The following DTNB variants were observed in gnomAD, a reference collection of about 807,000 sequenced individuals.
DTNB encodes the protein DTN-B.
A neutral mutation model predicts 90.7 loss-of-function variants in DTNB; 63 were observed. The observed-to-expected ratio is 0.69, with a 90% CI of 0.57 to 0.86. The LOEUF (loss-of-function observed/expected upper bound fraction) is 0.86, where lower values mean the gene tolerates loss of function less well. Ranked by LOEUF, DTNB falls within the 40% of genes least tolerant of loss-of-function variation. The pLI is 0.00. For synonymous variants in DTNB, 277 were observed against 286.7 expected, an observed-to-expected ratio of 0.97 and a Z score of 0.34; for missense variants, 744 against 807.1, an observed-to-expected ratio of 0.92 and a Z score of 0.95.
At chr2:25,479,375 G>A (rs2064433456) in intron 10 of DTNB, among the ~76,000 whole-genome samples, 1 of 152,144 alleles carries the variant, frequency 6.6e-6, no homozygotes, top group South Asian at 2.1e-4. Context: ...GGCCTCCTAG[G>A]AAATTGGACA....
intron 5 of DTNB, among the ~76,000 whole-genome samples, chr2:25,606,751 A>C (rs1319480598): frequency 6.6e-6 from 1 of 152,160 alleles, no homozygotes; most frequent in East Asian, 1.9e-4. Context: ...AGATAACAGG[A>C]ATTTTTTTAA....
At position 25,609,276 on chromosome 2, in the gene DTNB, A is replaced by G. The variant is rs894410577; in HGVS notation, c.363-1955T>C. ...CCACAAAGATGAAGCAACAAAAGAA[A>G]CTATTGCTGAAGTCCAGAGTGGGAT... is the stretch of plus-strand genomic sequence containing the variant. On this transcript the variant is annotated intron_variant, in intron 4 of 20. Transcript: ENST00000406818. Among the ~76,000 whole-genome samples, 3 of 152,174 alleles carry G rather than the reference A, an allele frequency of 2.0e-5. No individual in the cohort carries two copies. The East Asian group carries it at 5.8e-4, about 29-fold the overall frequency.
In DTNB at chr2:25,537,339, C is replaced by T. The variant is rs187960283; in HGVS notation, c.877-5742G>A. ...TTGCTATATCTGCCATTAATTCATG[C>T]AATGTATGTGAAATGCATTATCACA... On this transcript the variant is annotated intron_variant, in intron 8 of 20. Transcript: ENST00000406818. Among the ~76,000 whole-genome samples the T allele has an allele frequency of 1.9e-3, 287 of 152,166 alleles. 1 individual carries two copies. Among genetic ancestry groups the T allele is most frequent in the Non-Finnish European group, 1.2e-3 (85 of 68,016 alleles).
intron 4 of DTNB, among the ~76,000 whole-genome samples, chr2:25,608,359 A>G (rs953386765): frequency 6.6e-6 from 1 of 152,248 alleles, no homozygotes; most frequent in African/African-American, 2.4e-5. Flanking sequence ...ATACGCTAGA[A>G]AATTATCTGT....
intron 16 of DTNB, among the ~76,000 whole-genome samples, chr2:25,402,172 G>A (rs949289185): frequency 2.6e-5 from 4 of 152,356 alleles, no homozygotes; most frequent in South Asian, 2.1e-4. Flanking sequence ...CAAAGTGGAC[G>A]TGAAACGAGG....
At chr2:25,471,424 A>T (rs1214974609) in intron 10 of DTNB, among the ~76,000 whole-genome samples, 1 of 143,628 alleles carries the variant, frequency 7.0e-6, no homozygotes, top group African/African-American at 2.6e-5. Context: ...AGTCTCACTC[A>T]CTCTGTTGCT....
At chr2:25,661,553 G>A (rs1246250529) in intron 1 of DTNB, among the ~76,000 whole-genome samples, 1 of 152,234 alleles carries the variant, frequency 6.6e-6, no homozygotes, top group African/African-American at 2.4e-5. Context: ...AAAGGAAGGG[G>A]CTATGACTGG....
chr2:25,669,093 T>C (rs1359676598), intron 1 of DTNB, among the ~76,000 whole-genome samples: 1 of 151,998 alleles, frequency 6.6e-6, no homozygotes, highest in Non-Finnish European at 1.5e-5. Flanking sequence ...AGACAGAAAG[T>C]AGAATGGTGG....
intron 11 of DTNB, among the ~76,000 whole-genome samples, chr2:25,452,260 C>T (rs952613117): frequency 3.9e-5 from 6 of 152,188 alleles, no homozygotes; most frequent in African/African-American, 1.2e-4. Flanking sequence ...TCTAAGGACC[C>T]ATTCAGACAG....
Position 25,584,343 on chromosome 2 carries a change from A to G in DTNB, c.604-3517T>C, listed in dbSNP as rs138751286. On this transcript the variant is annotated intron_variant, in intron 6 of 20. Transcript: ENST00000406818. Reference sequence around the variant, plus strand: ...TCTTCCAAATTTTAACCAAAAGAGCATATCACAACAGATTGAATGGATAAG... The same window carrying G: ...TCTTCCAAATTTTAACCAAAAGAGCGTATCACAACAGATTGAATGGATAAG... Among the ~76,000 whole-genome samples, 823 of 152,310 alleles carry G rather than the reference A, an allele frequency of 5.4e-3. 12 individuals are homozygous for G. Among genetic ancestry groups the G allele is most frequent in the African/African-American group, 0.018 (742 of 41,542 alleles).
intron 8 of DTNB, among the ~76,000 whole-genome samples, chr2:25,560,674 T>C (rs1232893623): frequency 2.0e-5 from 3 of 152,196 alleles, no homozygotes; most frequent in Admixed American, 6.5e-5. Flanking sequence ...GGACTTGTCA[T>C]CCTCCATAAC....
intron 8 of DTNB, among the ~76,000 whole-genome samples, chr2:25,563,312 G>A (rs2058534825): frequency 6.6e-6 from 1 of 152,100 alleles, no homozygotes; most frequent in South Asian, 2.1e-4. Flanking sequence ...TGTTGTTTTT[G>A]TTGTTGCTGA....
chr2:25,414,643 C>T (rs1007747384), intron 16 of DTNB, among the ~76,000 whole-genome samples: 1 of 151,984 alleles, frequency 6.6e-6, no homozygotes, highest in African/African-American at 2.4e-5. Flanking sequence ...GCTATAGGTA[C>T]GTCAACTAGT....
chr2:25,589,367 C>T (rs201385959), intron 6 of DTNB, among the ~76,000 whole-genome samples: 44 of 57,520 alleles, frequency 7.6e-4, no homozygotes, highest in African/African-American at 2.2e-3. Context: ...TTTTTCTTTT[C>T]TTTTTTTTTT....
chr2:25,576,192 G>A (rs1269625138), intron 8 of DTNB, among the ~76,000 whole-genome samples: 2 of 151,196 alleles, frequency 1.3e-5, no homozygotes, highest in Admixed American at 6.6e-5. Flanking sequence ...GAATAAGCAT[G>A]GGGGGGCGGA....
intron 6 of DTNB, among the ~76,000 whole-genome samples, chr2:25,585,189 C>G (rs1457178870): frequency 2.0e-5 from 3 of 152,150 alleles, no homozygotes; most frequent in Non-Finnish European, 4.4e-5. Context: ...TCATTTTTCT[C>G]TATTTCCCTC....
Position 25,382,756 on chromosome 2 carries a change from T to G in DTNB, c.1879+1080A>C, listed in dbSNP as rs185867650. ...GTTGGCCAGGCTGCTCTCGAATTCC[T>G]GGCCTCAAGTGATCCGCCCGCCTCG... is the stretch of plus-strand genomic sequence containing the variant. On this transcript the variant is annotated intron_variant, in intron 19 of 20. Transcript: ENST00000406818. Among the ~76,000 whole-genome samples the G allele has an allele frequency of 2.0e-4, 31 of 152,242 alleles. 1 individual carries two copies. In the East Asian group the frequency reaches 4.4e-3, roughly 22 times the overall value.
chr2:25,668,933 T>C (rs558327399), intron 1 of DTNB, among the ~76,000 whole-genome samples: 17 of 152,350 alleles, frequency 1.1e-4, no homozygotes, highest in African/African-American at 4.1e-4. Flanking sequence ...CCATGGAATA[T>C]TATTCAGCCT....
At chr2:25,634,369 T>C (rs1399343032) in intron 3 of DTNB, among the ~76,000 whole-genome samples, 1 of 114,702 alleles carries the variant, frequency 8.7e-6, no homozygotes, top group Non-Finnish European at 1.8e-5. Flanking sequence ...AGCCGCCCCG[T>C]CCGGGAGGGA....
Sources: gnomAD v4.1 joint callset for allele counts (sites outside exome capture counted in the v4.1 genomes callset) on GRCh38, gnomAD v4.1.1 for gene constraint, MANE v1.5 for transcripts, NCBI Gene and HGNC (gene_info 2026-07-23, HGNC 2026-07-21) for gene names.